TRIQK: variants seen among roughly 807,000 people sequenced by gnomAD.
TRIQK encodes the protein triple QxxK/R motif containing.
In TRIQK, 10 loss-of-function variants were observed where a neutral mutation model predicts 10.8. The observed-to-expected ratio is 0.92, with a 90% CI of 0.57 to 1.57. The LOEUF (loss-of-function observed/expected upper bound fraction) is 1.57, where lower values mean the gene tolerates loss of function less well. TRIQK is among the 40% of genes most tolerant of loss of function. The pLI is 0.00. For synonymous variants in TRIQK, 33 were observed against 33.7 expected (o/e 0.98, Z 0.07); for missense variants, 107 against 97.7 (o/e 1.09, Z -0.40).
At chr8:92,968,707 T>C (rs1236920730), upstream of TRIQK, among the ~76,000 whole-genome samples, 1 of 152,232 alleles carries the variant, frequency 6.6e-6, no homozygotes, top group Non-Finnish European at 1.5e-5. Flanking sequence ...ATTAGCCCTT[T>C]GTCAGATGGA....
chr8:92,898,833 GTA>G (rs67063066), intron 3 of TRIQK, among the ~76,000 whole-genome samples: 10,679 of 73,422 alleles, frequency 0.15, 549 homozygotes, highest in Middle Eastern at 0.18. Context: ...GTGTGTGTGT[GTA>G]TATATATATA....
chr8:92,993,124 A>G (rs555586732), intron 1 of TRIQK, among the ~76,000 whole-genome samples: 2 of 152,318 alleles, frequency 1.3e-5, no homozygotes, highest in Non-Finnish European at 2.9e-5. Flanking sequence ...AGGCTGTTAC[A>G]TCATTGGTAA....
In TRIQK at chr8:92,886,612, T is replaced by C. The variant is rs1444762072; in HGVS notation, c.*10A>G. 9 of 1,490,998 alleles carry C rather than the reference T, an allele frequency of 6.0e-6. No homozygotes were observed. The highest frequency in any genetic ancestry group is 3.5e-4 in the Middle Eastern group (2 of 5,784). 92.4% of individuals were successfully genotyped at this position (1,490,998 alleles called of 1,614,324 possible). On this transcript the variant is annotated 3_prime_UTR_variant, in exon 5 of 5. Transcript: ENST00000521988. ...AGTTATTTCTCTTTCATGCATTGAT[T>C]GTTGCTTAGCTAATCTTCATCTTGG...
chr8:92,914,940 C>T (rs938013159), intron 3 of TRIQK, among the ~76,000 whole-genome samples: 3 of 151,976 alleles, frequency 2.0e-5, no homozygotes, highest in Non-Finnish European at 4.4e-5. Flanking sequence ...TTCACAATAG[C>T]CAAGATATGG....
chr8:92,910,414 CAT>C (rs1182362878), intron 3 of TRIQK, among the ~76,000 whole-genome samples: 1 of 150,248 alleles, frequency 6.7e-6, no homozygotes, highest in East Asian at 1.9e-4. Flanking sequence ...AAAAAGGAAA[CAT>C]AGTCAAAAAG....
At chr8:92,950,899 T>C (rs946433995) in intron 2 of TRIQK, among the ~76,000 whole-genome samples, 2 of 152,112 alleles carry the variant, frequency 1.3e-5, no homozygotes, top group South Asian at 2.1e-4. Flanking sequence ...TCTCCCTCCA[T>C]AGCCATCAGG....
intron 2 of TRIQK, among the ~76,000 whole-genome samples, chr8:92,938,690 A>AG (rs1266113066): frequency 1.3e-5 from 2 of 152,060 alleles, no homozygotes; most frequent in African/African-American, 2.4e-5. Context: ...TTTTGTTGGG[A>AG]GGGGCAATTA....
intron 1 of TRIQK, among the ~76,000 whole-genome samples, chr8:92,958,358 C>A (rs150597045): frequency 6.6e-6 from 1 of 151,992 alleles, no homozygotes; most frequent in Non-Finnish European, 1.5e-5. Flanking sequence ...GTCACCTATA[C>A]CTGCTGGACA....
At chr8:92,907,558 TTAATA>T (rs1373937460) in intron 3 of TRIQK, among the ~76,000 whole-genome samples, 1 of 152,180 alleles carries the variant, frequency 6.6e-6, no homozygotes, top group Non-Finnish European at 1.5e-5. Flanking sequence ...AAAGTAAACA[TTAATA>T]TAAAAGAATT....
intron 1 of TRIQK, among the ~76,000 whole-genome samples, chr8:92,998,102 T>A (rs949838013): frequency 6.6e-6 from 1 of 151,970 alleles, no homozygotes; most frequent in Non-Finnish European, 1.5e-5. Context: ...AAATGCTCAG[T>A]CAGCCTCAAG....
intron 1 of TRIQK, among the ~76,000 whole-genome samples, chr8:93,007,549 G>A (rs1813286876): frequency 6.6e-6 from 1 of 152,194 alleles, no homozygotes; most frequent in South Asian, 2.1e-4. Context: ...TGCAGAAGTA[G>A]GCTTCAGAAG....
intron 4 of TRIQK, among the ~76,000 whole-genome samples, chr8:92,887,303 ACT>A (rs1353694226): frequency 6.6e-6 from 1 of 151,464 alleles, no homozygotes; most frequent in Non-Finnish European, 1.5e-5. Flanking sequence ...TATAGTTTAC[ACT>A]GCAGAGGAAC....
At chr8:92,890,638 G>C (rs1816714635) in intron 4 of TRIQK, among the ~76,000 whole-genome samples, 1 of 151,736 alleles carries the variant, frequency 6.6e-6, no homozygotes, top group Non-Finnish European at 1.5e-5. Flanking sequence ...TAAATAAATA[G>C]CTGCACTATT....
chr8:92,891,095 G>A lies in TRIQK; in HGVS notation c.147+894C>T, dbSNP rs187922908. Among the ~76,000 whole-genome samples the A allele has an allele frequency of 1.3e-4, 20 of 151,880 alleles. 1 individual carries two copies. The highest frequency in any genetic ancestry group is 4.1e-4 in the South Asian group (2 of 4,828). On this transcript the variant is annotated intron_variant, in intron 4 of 4. Transcript: ENST00000521988. ...TTGATCAAAATCAGCAATCAGGAGC[G>A]AAAAGAAGGCAGTGTTTCGTGATCA...
At chr8:92,955,262 C>G (rs967191243) in intron 1 of TRIQK, among the ~76,000 whole-genome samples, 1 of 150,082 alleles carries the variant, frequency 6.7e-6, no homozygotes, top group Non-Finnish European at 1.5e-5. Context: ...CTTTACTTTA[C>G]TAATTCTAAT....
intron 1 of TRIQK, among the ~76,000 whole-genome samples, chr8:92,982,047 A>G (rs1812991650): frequency 6.6e-6 from 1 of 151,768 alleles, no homozygotes; most frequent in African/African-American, 2.4e-5. Context: ...GAACAATTCA[A>G]TAAAGCCTTA....
At position 92,886,637 on chromosome 8, in the gene TRIQK, G is replaced by A; in HGVS notation, c.246C>T (p.Asp82=). The A allele has an allele frequency of 6.6e-7, 1 of 1,521,978 alleles. No individual in the cohort carries two copies. The highest frequency in any genetic ancestry group is 8.8e-7 in the Non-Finnish European group (1 of 1,137,864). 94.3% of individuals were successfully genotyped at this position (1,521,978 alleles called of 1,614,324 possible). ...TGTTGCTTAGCTAATCTTCATCTTG[G>A]TCCAGATCAGGGTCAACATCCGTGG... ...RLTTDVDPDL[D]QDED Residue 82 remains aspartate, a synonymous_variant, in exon 5 of 5, where the codon GAC becomes GAT. Transcript: ENST00000521988.
chr8:93,006,435 G>A (rs763499431), intron 1 of TRIQK, among the ~76,000 whole-genome samples: 5 of 152,176 alleles, frequency 3.3e-5, no homozygotes, highest in South Asian at 2.1e-4. Context: ...AGATCTGTGC[G>A]ACACACGGAT....
At chr8:92,990,308 G>A (rs764666826) in intron 1 of TRIQK, among the ~76,000 whole-genome samples, 4 of 152,148 alleles carry the variant, frequency 2.6e-5, no homozygotes, top group Non-Finnish European at 5.9e-5. Context: ...AGTCAATTAT[G>A]ATACTAATGT....
Sources: allele counts gnomAD v4.1 joint callset (sites outside exome capture counted in the v4.1 genomes callset), GRCh38; gene constraint gnomAD v4.1.1; transcripts MANE v1.5; gene names NCBI Gene and HGNC (gene_info 2026-07-23, HGNC 2026-07-21).